SH3PXD2A: variants seen among roughly 807,000 people sequenced by gnomAD.
SH3PXD2A encodes SH3 and PX domains 2A.
SH3PXD2A carries 32 observed loss-of-function variants against 115.2 expected under a neutral mutation model. The ratio of observed to expected loss-of-function variants is 0.28; its 90% CI spans 0.21 to 0.37. The LOEUF (loss-of-function observed/expected upper bound fraction) is 0.37, where lower values mean the gene tolerates loss of function less well. Ranked by LOEUF, SH3PXD2A falls within the 10% of genes least tolerant of loss-of-function variation. SH3PXD2A has a pLI of 1.00. For missense variants in SH3PXD2A, 1,328 were observed against 1,498.7 expected (o/e 0.89, Z 1.88); for synonymous variants, 610 against 629.1 (o/e 0.97, Z 0.45).
intron 3 of SH3PXD2A, among the ~76,000 whole-genome samples, chr10:103,764,086 C>T (rs1482568421): frequency 6.6e-6 from 1 of 152,226 alleles, no homozygotes; most frequent in Non-Finnish European, 1.5e-5. Context: ...AGGCAATGTT[C>T]ATCACTGCCC....
intron 2 of SH3PXD2A, among the ~76,000 whole-genome samples, chr10:103,791,898 T>C (rs2039040212): frequency 6.6e-6 from 1 of 152,178 alleles, no homozygotes; most frequent in South Asian, 2.1e-4. Flanking sequence ...TTTCCCATCC[T>C]GAGCCTGCCC....
chr10:103,784,180 G>A lies in SH3PXD2A; in HGVS notation c.154-17011C>T, dbSNP rs555849502. On this transcript the variant is annotated intron_variant, in intron 2 of 14. Coordinates refer to ENST00000369774, the MANE Select transcript of SH3PXD2A (RefSeq NM_001394015.1). The surrounding 1 kb of genome is among the most constrained non-coding windows in gnomAD (Gnocchi z 4.4). ...GGAGAGAAGATGCTGGCTGCTCGGG[G>A]GTTGCTGGGGCACCTGTGTGCAGGC... is the stretch of plus-strand genomic sequence containing the variant. 2.0e-5 allele frequency among the ~76,000 whole-genome samples: 3 copies of A among 152,358 alleles called. No individual in the cohort carries two copies. The highest frequency in any genetic ancestry group is 7.2e-5 in the African/African-American group (3 of 41,592).
At chr10:103,750,926 G>A (rs1023961217) in intron 3 of SH3PXD2A, among the ~76,000 whole-genome samples, 2 of 152,246 alleles carry the variant, frequency 1.3e-5, no homozygotes, top group African/African-American at 2.4e-5. Context: ...AGGGCCTAAT[G>A]CTAAGAAGGG....
chr10:103,693,553 G>C (rs2037787987), intron 5 of SH3PXD2A: 1 of 152,040 alleles, frequency 6.6e-6, no homozygotes. Flanking sequence ...CAGCCCGTAA[G>C]TCACTACTGA....
At chr10:103,752,627 T>C (rs1319226619) in intron 3 of SH3PXD2A, among the ~76,000 whole-genome samples, 1 of 152,228 alleles carries the variant, frequency 6.6e-6, no homozygotes, top group Admixed American at 6.5e-5. Flanking sequence ...TAGGAATGAA[T>C]AAGTAAAACC....
chr10:103,650,252 C>T (rs1285698051), intron 8 of SH3PXD2A, among the ~76,000 whole-genome samples: 1 of 152,136 alleles, frequency 6.6e-6, no homozygotes, highest in East Asian at 1.9e-4. Flanking sequence ...CCTGCCGCAT[C>T]ACTCCCCAGT....
At chr10:103,827,987 G>T (rs1160316539) in intron 1 of SH3PXD2A, among the ~76,000 whole-genome samples, 2 of 152,194 alleles carry the variant, frequency 1.3e-5, no homozygotes, top group African/African-American at 2.4e-5. Flanking sequence ...AGCCTGGCCT[G>T]GTTCCCTGTG....
At chr10:103,715,501 C>G (rs920690812) in intron 5 of SH3PXD2A, among the ~76,000 whole-genome samples, 3 of 152,228 alleles carry the variant, frequency 2.0e-5, no homozygotes, top group Admixed American at 6.5e-5. Flanking sequence ...TGTCCACAAC[C>G]TTCCATTTGC....
Position 103,602,301 on chromosome 10 carries a change from G to A in SH3PXD2A, c.2917C>T (p.Arg973Trp), listed in dbSNP as rs769506617. 3.7e-5 allele frequency: 59 copies of A among 1,613,452 alleles called. No individual in the cohort carries two copies. The highest frequency in any genetic ancestry group is 1.8e-4 in the East Asian group (8 of 44,892). Residue 973 changes from arginine to tryptophan, a missense_variant, in exon 15 of 15, where the codon CGG (arginine) becomes TGG (tryptophan). Physicochemically the swap from Arg to Trp is moderately radical, Grantham distance 101 (BLOSUM62 -3). Transcript: ENST00000369774. ...GACTGGGGCCTGACCGCCACCTGCCGCACTCCGTTCCTCATCTTCACCGCT... is the reference window on the plus strand; with the variant it reads ...GACTGGGGCCTGACCGCCACCTGCCACACTCCGTTCCTCATCTTCACCGCT... ...TPAVKMRNGV[R>W]QVAVRPQSVF... is the part of the protein sequence containing the mutation.
rs986199759 is a variant in SH3PXD2A, at chr10:103,596,702, C to CA, written c.*5113dup. Reference sequence around the variant, plus strand: ...TCTCTCTCTCACAACACATGGCCCTCAAAAAAGTGAGGGAATCTTAATTAT... The same window carrying CA: ...TCTCTCTCTCACAACACATGGCCCTCAAAAAAAGTGAGGGAATCTTAATTAT... On this transcript the variant is annotated 3_prime_UTR_variant, in exon 15 of 15. Coordinates refer to ENST00000369774, the MANE Select transcript of SH3PXD2A (RefSeq NM_001394015.1). The CA allele has an allele frequency of 4.1e-5, 6 of 145,276 alleles. No individual in the cohort carries two copies. The highest frequency in any genetic ancestry group is 1.5e-4 in the African/African-American group (6 of 38,868). 9.0% of individuals were successfully genotyped at this position (145,276 alleles called of 1,614,324 possible). A position where few individuals can be genotyped will look rare whatever the true frequency, so the allele number is the denominator to read the frequency against.
chr10:103,704,044 A>G (rs970098370), intron 5 of SH3PXD2A, among the ~76,000 whole-genome samples: 7 of 152,226 alleles, frequency 4.6e-5, no homozygotes, highest in Admixed American at 1.3e-4. Flanking sequence ...GTGCACAGTC[A>G]GGCTCAGTAA....
At chr10:103,706,628 G>A (rs752574327) in intron 5 of SH3PXD2A, among the ~76,000 whole-genome samples, 8 of 152,144 alleles carry the variant, frequency 5.3e-5, no homozygotes, top group Non-Finnish European at 7.3e-5. Context: ...GGTTATAATC[G>A]TGTTTCCTGA....
chr10:103,792,503 C>T (rs1321149852), intron 2 of SH3PXD2A, among the ~76,000 whole-genome samples: 1 of 152,200 alleles, frequency 6.6e-6, no homozygotes. Context: ...CTGTGCCAGT[C>T]CTATCCTAAG....
intron 13 of SH3PXD2A, among the ~76,000 whole-genome samples, chr10:103,610,768 A>G (rs2036414772): frequency 6.6e-6 from 1 of 152,146 alleles, no homozygotes; most frequent in Admixed American, 6.5e-5. Context: ...CATCCTTACA[A>G]CAGCCCTAAG....
chr10:103,595,536 T>A lies in SH3PXD2A; in HGVS notation c.*6280A>T, dbSNP rs2036120395. 6.6e-6 allele frequency: 1 copy of A among 152,242 alleles called. No homozygotes were observed. Among genetic ancestry groups the A allele is most frequent in the Non-Finnish European group, 1.5e-5 (1 of 68,062 alleles). The allele number at this position is 152,242 out of a possible 1,614,324, so 9.4% of individuals were successfully genotyped here. A position where few individuals can be genotyped will look rare whatever the true frequency, so the allele number is the denominator to read the frequency against. On this transcript the variant is annotated 3_prime_UTR_variant, in exon 15 of 15. Transcript: ENST00000369774. ...ACTTGCCTCTAACGTGCTCGAGCCA[T>A]CCTTTTGTTCTAAATAATTCTTCCT...
At chr10:103,639,624 AAAG>A (rs1284908425) in intron 8 of SH3PXD2A, among the ~76,000 whole-genome samples, 3 of 90,268 alleles carry the variant, frequency 3.3e-5, no homozygotes, top group African/African-American at 1.3e-4. Flanking sequence ...AAAAAAAAAA[AAAG>A]AAAAAGAAAA....
intron 3 of SH3PXD2A, among the ~76,000 whole-genome samples, chr10:103,757,734 C>T (rs937080676): frequency 3.9e-5 from 6 of 152,212 alleles, no homozygotes; most frequent in African/African-American, 1.4e-4. Context: ...GACAGTGACA[C>T]TGCCATGTGA....
chr10:103,831,701 TG>T (rs2039484100), intron 1 of SH3PXD2A, among the ~76,000 whole-genome samples: 1 of 152,168 alleles, frequency 6.6e-6, no homozygotes, highest in African/African-American at 2.4e-5. Context: ...TGCAATTCAG[TG>T]TTTTTTTAGT....
rs2036579945 is a variant in SH3PXD2A at position 103,620,048 on chromosome 10, G to GGTGTC, written c.802+2421_802+2422insGACAC. On this transcript the variant is annotated intron_variant, in intron 10 of 14. Transcript: ENST00000369774. This position sits in a 1 kb window ranked among gnomAD's most constrained non-coding sequence, Gnocchi z 5.3. ...ACTCACAGGTGTCCCAAGGAAGAGAGACTTGCCTGGGCCACAAACCCCATC... is the reference window on the plus strand; with the variant it reads ...ACTCACAGGTGTCCCAAGGAAGAGAGGTGTCACTTGCCTGGGCCACAAACCCCATC... Among the ~76,000 whole-genome samples, 1 of 152,212 alleles carries GGTGTC rather than the reference G, an allele frequency of 6.6e-6. No homozygotes were observed.
Sources: allele counts gnomAD v4.1 joint callset (sites outside exome capture counted in the v4.1 genomes callset), GRCh38; gene constraint gnomAD v4.1.1; non-coding constraint Gnocchi (gnomAD v3.1); transcripts MANE v1.5; gene names NCBI Gene and HGNC (gene_info 2026-07-23, HGNC 2026-07-21).